NTNG1: variants seen among roughly 807,000 people sequenced by gnomAD.
NTNG1 encodes netrin G1, also known as netrin-G1.
In NTNG1, 16 loss-of-function variants were observed where a neutral mutation model predicts 54.0. That is an observed-to-expected ratio of 0.30 (90% CI 0.20 to 0.45). NTNG1 has a LOEUF of 0.45. Among genes scored for constraint, NTNG1 ranks in the 20% least tolerant of loss-of-function variants. The pLI, the probability that NTNG1 is intolerant of heterozygous loss-of-function variation, is 1.00. For missense variants in NTNG1, 530 were observed against 678.7 expected (o/e 0.78, Z 2.43); for synonymous variants, 255 against 263.1 (o/e 0.97, Z 0.30).
rs149261895 is a variant in NTNG1, at chr1:107,246,067, T to A, written c.247-78215T>A. The stretch of plus-strand genomic sequence containing the variant: ...ATTATTATTTTTGTTTTGTTTTGTT[T>A]TGGAGACAGAGTCTTGCTCTGTTGC... On this transcript the variant is annotated intron_variant, in intron 2 of 7. Coordinates refer to ENST00000370068, the MANE Select transcript of NTNG1 (RefSeq NM_001113226.3). Among the ~76,000 whole-genome samples, 61 of 152,296 alleles carry A rather than the reference T, an allele frequency of 4.0e-4. 1 individual carries two copies. The highest frequency in any genetic ancestry group is 1.3e-3 in the East Asian group (7 of 5,186).
At chr1:107,387,828 A>G (rs1384482746) in intron 3 of NTNG1, among the ~76,000 whole-genome samples, 1 of 152,200 alleles carries the variant, frequency 6.6e-6, no homozygotes, top group Non-Finnish European at 1.5e-5. Flanking sequence ...TAAAGCATCT[A>G]TTACAGTTCC....
In NTNG1 at chr1:107,156,787, A is replaced by T. The variant is rs536050360; in HGVS notation, c.246+7948A>T. Among the ~76,000 whole-genome samples, 9 of 152,244 alleles carry T rather than the reference A, an allele frequency of 5.9e-5. No homozygotes were observed. In the South Asian group the frequency reaches 6.2e-4, roughly 11 times the overall value. On this transcript the variant is annotated intron_variant, in intron 2 of 7. Transcript: ENST00000370068. ...GTCATGGGGAAAGAGGTGTCAGGGA[A>T]CTTAGGCAGGTCCCACTCTCTGGTC...
chr1:107,308,605 T>G (rs1199370660), intron 2 of NTNG1, among the ~76,000 whole-genome samples: 2 of 152,172 alleles, frequency 1.3e-5, no homozygotes, highest in African/African-American at 4.8e-5. Flanking sequence ...AGATTCGTTA[T>G]TTTTGCTTAG....
chr1:107,464,223 C>T (rs1474403023), intron 7 of NTNG1, among the ~76,000 whole-genome samples: 1 of 152,196 alleles, frequency 6.6e-6, no homozygotes, highest in African/African-American at 2.4e-5. Flanking sequence ...CTTGTTAAAG[C>T]CAGGCCAGCC....
intron 7 of NTNG1, among the ~76,000 whole-genome samples, chr1:107,473,349 T>A (rs1678105193): frequency 6.6e-6 from 1 of 152,170 alleles, no homozygotes; most frequent in Admixed American, 6.5e-5. Context: ...GAATGGATCA[T>A]CATGACCTTA....
intron 7 of NTNG1, among the ~76,000 whole-genome samples, chr1:107,471,155 A>G (rs1326093987): frequency 2.0e-5 from 3 of 152,056 alleles, no homozygotes; most frequent in Non-Finnish European, 2.9e-5. Context: ...TAGAATGGCT[A>G]CTCCCTAGGG....
At chr1:107,256,440 T>C (rs1471062750) in intron 2 of NTNG1, among the ~76,000 whole-genome samples, 1 of 152,244 alleles carries the variant, frequency 6.6e-6, no homozygotes, top group Non-Finnish European at 1.5e-5. Context: ...ATTTTCTGTA[T>C]GAATAGATGG....
chr1:107,399,765 CTG>C (rs1181522989), intron 4 of NTNG1, among the ~76,000 whole-genome samples: 1 of 152,160 alleles, frequency 6.6e-6, no homozygotes, highest in Non-Finnish European at 1.5e-5. Flanking sequence ...GGTCTTGACT[CTG>C]AGGACTGCAC....
At chr1:107,256,089 A>G (rs1223007681) in intron 2 of NTNG1, among the ~76,000 whole-genome samples, 2 of 152,314 alleles carry the variant, frequency 1.3e-5, no homozygotes, top group East Asian at 1.9e-4. Context: ...TAAAGTTATT[A>G]CATTATGGTC....
At chr1:107,330,108 T>C (rs1668194284) in intron 3 of NTNG1, among the ~76,000 whole-genome samples, 1 of 152,052 alleles carries the variant, frequency 6.6e-6, no homozygotes, top group Admixed American at 6.6e-5. Context: ...AGACAAATTA[T>C]ACCTAAAAAC....
intron 2 of NTNG1, among the ~76,000 whole-genome samples, chr1:107,322,026 G>A (rs2101871297): frequency 6.6e-6 from 1 of 152,284 alleles, no homozygotes; most frequent in South Asian, 2.1e-4. Context: ...GCACGCAAGT[G>A]CTAACTAAAT....
chr1:107,157,968 T>C (rs1655124967), intron 2 of NTNG1, among the ~76,000 whole-genome samples: 1 of 152,142 alleles, frequency 6.6e-6, no homozygotes, highest in South Asian at 2.1e-4. Context: ...ATTTCTGCAC[T>C]GGATTTTGGT....
chr1:107,415,650 C>T (rs991012287), intron 5 of NTNG1, among the ~76,000 whole-genome samples: 14 of 151,948 alleles, frequency 9.2e-5, no homozygotes, highest in Non-Finnish European at 2.1e-4. Context: ...AAAGATTTTC[C>T]CTAGTTGATT....
chr1:107,316,192 TATC>T (rs1438470733), intron 2 of NTNG1, among the ~76,000 whole-genome samples: 1 of 152,166 alleles, frequency 6.6e-6, no homozygotes, highest in African/African-American at 2.4e-5. Flanking sequence ...CAGATGCTGT[TATC>T]ATGAGAATAA....
Position 107,219,471 on chromosome 1 carries a change from T to C in NTNG1, c.246+70632T>C, listed in dbSNP as rs188295660. 9.2e-5 allele frequency among the ~76,000 whole-genome samples: 14 copies of C among 152,316 alleles called. No individual in the cohort carries two copies. The East Asian group carries it at 2.7e-3, about 29-fold the overall frequency. ...ATTACTGGTAAACTAGTGTGATCTT[T>C]TGTGGGTGTTAAAGAATCTTGTTTT... is the stretch of plus-strand genomic sequence containing the variant. On this transcript the variant is annotated intron_variant, in intron 2 of 7. Coordinates refer to ENST00000370068, the MANE Select transcript of NTNG1 (RefSeq NM_001113226.3).
chr1:107,413,174 T>G (rs950232363), intron 5 of NTNG1, among the ~76,000 whole-genome samples: 1 of 151,930 alleles, frequency 6.6e-6, no homozygotes, highest in Non-Finnish European at 1.5e-5. Flanking sequence ...TTTCATTTTT[T>G]TTTTCTGAGA....
At chr1:107,479,918 T>A (rs1678578796) in intron 7 of NTNG1, among the ~76,000 whole-genome samples, 3 of 152,346 alleles carry the variant, frequency 2.0e-5, no homozygotes, top group South Asian at 2.1e-4. Flanking sequence ...CAAGGTAACC[T>A]TGGGCTATAC....
intron 7 of NTNG1, among the ~76,000 whole-genome samples, chr1:107,469,788 G>T (rs1175783981): frequency 6.6e-6 from 1 of 152,140 alleles, no homozygotes; most frequent in Non-Finnish European, 1.5e-5. Flanking sequence ...TCTATTCCAT[G>T]CCAGGGACAG....
At chr1:107,269,977 C>T (rs1333113115) in intron 2 of NTNG1, among the ~76,000 whole-genome samples, 3 of 152,128 alleles carry the variant, frequency 2.0e-5, no homozygotes, top group Admixed American at 2.0e-4. Context: ...ATTTATGTTC[C>T]AAATGCCATT....
Sources: allele counts gnomAD v4.1 joint callset (sites outside exome capture counted in the v4.1 genomes callset), GRCh38; gene constraint gnomAD v4.1.1; transcripts MANE v1.5; gene names NCBI Gene and HGNC (gene_info 2026-07-23, HGNC 2026-07-21).